The following TAF1A variants were observed in gnomAD, a reference collection of about 807,000 sequenced individuals.
TAF1A encodes the protein TATA-box binding protein associated factor, RNA polymerase I subunit A.
A neutral mutation model predicts 61.6 loss-of-function variants in TAF1A; 42 were observed. That is an observed-to-expected ratio of 0.68 (90% CI 0.53 to 0.88). The LOEUF (loss-of-function observed/expected upper bound fraction) is 0.88. TAF1A is among the 40% of genes least tolerant of loss of function. The pLI is 0.00. For missense variants in TAF1A, 424 were observed against 518.7 expected (o/e 0.82, Z 1.77); for synonymous variants, 179 against 177.7 (o/e 1.01, Z -0.06).
downstream of TAF1A, among the ~76,000 whole-genome samples, chr1:222,557,384 G>T (rs1315637604): frequency 6.6e-6 from 1 of 152,132 alleles, no homozygotes; most frequent in African/African-American, 2.4e-5. Flanking sequence ...TCCCACCGGT[G>T]AGTTTCCTCC....
At chr1:222,582,794 A>G (rs1176106522) in intron 3 of TAF1A, among the ~76,000 whole-genome samples, 4 of 152,246 alleles carry the variant, frequency 2.6e-5, no homozygotes, top group Non-Finnish European at 5.9e-5. Context: ...ATGCTACAAC[A>G]TGGATAAACC....
intron 5 of TAF1A, 107 bp from the exon 6 acceptor site, chr1:222,570,772 A>G (rs1660319561): frequency 3.9e-6 from 4 of 1,031,242 alleles, no homozygotes; most frequent in Non-Finnish European, 5.5e-6. Context: ...GCTGATAGCT[A>G]CAACAGTAAA....
Position 222,588,541 on chromosome 1 carries a change from A to G in TAF1A, c.23T>C (p.Leu8Ser). The change falls in exon 2 of 11, where the codon TTA becomes TCA. Residue 8 changes from leucine to serine, a missense_variant. Leu to Ser is a moderately radical substitution (Grantham distance 145, BLOSUM62 -2). Coordinates refer to ENST00000352967, the MANE Select transcript of TAF1A (RefSeq NM_005681.4). MSDFSEE[L>S]KGPVTDDEEV... is the part of the protein sequence containing the mutation. ...TTCATCATCTGTCACAGGCCCTTTT[A>G]ATTCTTCACTGAAATCACTCATACC... 1.2e-6 allele frequency: 2 copies of G among 1,614,006 alleles called. No individual in the cohort carries two copies. The highest frequency in any genetic ancestry group is 2.2e-5 in the South Asian group (2 of 91,044).
At chr1:222,583,587 C>G (rs1660884032) in intron 3 of TAF1A, among the ~76,000 whole-genome samples, 1 of 151,998 alleles carries the variant, frequency 6.6e-6, no homozygotes, top group Admixed American at 6.6e-5. Context: ...CACCTGTAAT[C>G]CCAGCACTTT....
rs1172947422 is a variant in TAF1A at position 222,572,218 on chromosome 1, CAA to C, written c.605-1555_605-1554del. 2.8e-3 allele frequency among the ~76,000 whole-genome samples: 245 copies of C among 86,632 alleles called. 1 individual carries two copies. The highest frequency in any genetic ancestry group is 7.6e-3 in the African/African-American group (196 of 25,848). The allele number at this position is 86,632 out of a possible 152,430, so 56.8% of individuals were successfully genotyped here. ...TGGGCAACACAGCAAGACTCAGTCT[CAA>C]AAAAAAAAAAAAAAAAAGTACTACA... is the stretch of plus-strand genomic sequence containing the variant. On this transcript the variant is annotated intron_variant, in intron 5 of 10. Coordinates refer to ENST00000352967, the MANE Select transcript of TAF1A (RefSeq NM_005681.4).
At chr1:222,557,581 G>T (rs1659747519), downstream of TAF1A, among the ~76,000 whole-genome samples, 1 of 151,450 alleles carries the variant, frequency 6.6e-6, no homozygotes, top group Non-Finnish European at 1.5e-5. Flanking sequence ...CTCCCAAATA[G>T]CTAGGACTAC....
intron 8 of TAF1A, 106 bp from the exon 9 acceptor site, chr1:222,563,402 T>C (rs1659992079): frequency 9.8e-6 from 12 of 1,227,830 alleles, no homozygotes; most frequent in Non-Finnish European, 1.2e-5. Flanking sequence ...TACATATATG[T>C]TGTTGATAAA....
chr1:222,581,640 G>A (rs939180876), intron 3 of TAF1A, among the ~76,000 whole-genome samples: 1 of 152,206 alleles, frequency 6.6e-6, no homozygotes, highest in Non-Finnish European at 1.5e-5. Flanking sequence ...TTCAGAAAGT[G>A]CAGGTTGCAG....
chr1:222,572,007 A>T (rs1299262392), intron 5 of TAF1A, among the ~76,000 whole-genome samples: 5 of 152,180 alleles, frequency 3.3e-5, no homozygotes, highest in Admixed American at 6.5e-5. Context: ...ACCTGAGGTC[A>T]GGAGTTCGAG....
At position 222,563,936 on chromosome 1, in the gene TAF1A, T is replaced by G. The variant is rs1571797378; in HGVS notation, c.961+123A>C. ...GCAGACAATACAGAAACAGATGGAC[T>G]CCAACAGAACTTGATTTATAAAATC... On this transcript the variant is annotated intron_variant, in intron 8 of 10. Transcript: ENST00000352967. 6 of 651,354 alleles carry G rather than the reference T, an allele frequency of 9.2e-6. No homozygotes were observed. In the East Asian group the frequency reaches 1.5e-4, roughly 16 times the overall value. 40.3% of individuals were successfully genotyped at this position (651,354 alleles called of 1,614,324 possible).
chr1:222,555,125 C>T (rs1659711712), downstream of TAF1A, among the ~76,000 whole-genome samples: 1 of 152,078 alleles, frequency 6.6e-6, no homozygotes, highest in Non-Finnish European at 1.5e-5. Context: ...TGAATCGTAT[C>T]AAAGGTCAAA....
chr1:222,572,223 A>C (rs1196975806), intron 5 of TAF1A, among the ~76,000 whole-genome samples: 1 of 151,878 alleles, frequency 6.6e-6, no homozygotes, highest in African/African-American at 2.4e-5. Context: ...AGTCTCAAAA[A>C]AAAAAAAAAA....
At chr1:222,566,425 CT>C (rs768361435) in intron 7 of TAF1A, among the ~76,000 whole-genome samples, 1 of 152,128 alleles carries the variant, frequency 6.6e-6, no homozygotes, top group African/African-American at 2.4e-5. Flanking sequence ...TTATTGTGCA[CT>C]TTATATTATT....
Position 222,561,529 on chromosome 1 carries a change from A to C in TAF1A, c.1086-11T>G. On this transcript the variant is annotated splice_polypyrimidine_tract_variant and intron_variant, in intron 9 of 10. Coordinates refer to ENST00000352967, the MANE Select transcript of TAF1A (RefSeq NM_005681.4). ...CACGCAAGGTGGTTTCTGGAAAAGA[A>C]AAATGTCAAAAGAGAGGGTCAATGA... The C allele has an allele frequency of 6.3e-7, 1 of 1,586,274 alleles. No homozygotes were observed. Among genetic ancestry groups the C allele is most frequent in the Non-Finnish European group, 8.6e-7 (1 of 1,168,320 alleles).
At position 222,569,293 on chromosome 1, in the gene TAF1A, T is replaced by C. The variant is rs184678384; in HGVS notation, c.894+217A>G. 3.7e-3 allele frequency: 5,469 copies of C among 1,467,166 alleles called. 13 individuals carry two copies. The highest frequency in any genetic ancestry group is 4.1e-3 in the Non-Finnish European group (4,551 of 1,112,916). 90.9% of individuals were successfully genotyped at this position (1,467,166 alleles called of 1,614,324 possible). On this transcript the variant is annotated intron_variant, in intron 7 of 10. Transcript: ENST00000352967. The stretch of plus-strand genomic sequence containing the variant: ...TCCAACCAGGGTTGCACAAGACTTC[T>C]GATCCTCTCTCCTCAGTCTCATCCG...
At chr1:222,575,129 G>T (rs1660514924) in intron 5 of TAF1A, among the ~76,000 whole-genome samples, 1 of 152,086 alleles carries the variant, frequency 6.6e-6, no homozygotes, top group Non-Finnish European at 1.5e-5. Context: ...AGAGGCACTG[G>T]TATCTTTTTC....
intron 9 of TAF1A, 26 bp downstream of exon 9, chr1:222,563,147 A>G (rs74148135): frequency 0.019 from 28,906 of 1,545,764 alleles, 704 homozygotes; most frequent in African/African-American, 0.088. Flanking sequence ...ATGATGACCT[A>G]GTAATAAACA....
chr1:222,561,555 T>C (rs1470912487), intron 9 of TAF1A, 37 bp from the exon 10 acceptor site: 1 of 1,554,844 alleles, frequency 6.4e-7, no homozygotes, highest in Non-Finnish European at 8.7e-7. Context: ...GGGTCAATGA[T>C]GGAAACAAAT....
chr1:222,572,506 C>A (rs145673897), intron 5 of TAF1A, among the ~76,000 whole-genome samples: 1 of 152,088 alleles, frequency 6.6e-6, no homozygotes, highest in African/African-American at 2.4e-5. Context: ...TACAGGCACA[C>A]GCTACCACAC....
Sources: allele counts gnomAD v4.1 joint callset (sites outside exome capture counted in the v4.1 genomes callset), GRCh38; gene constraint gnomAD v4.1.1; transcripts MANE v1.5; gene names NCBI Gene and HGNC (gene_info 2026-07-23, HGNC 2026-07-21).